TTC23L: variants seen among roughly 807,000 people sequenced by gnomAD.
TTC23L encodes tetratricopeptide repeat protein 23-like.
A neutral mutation model predicts 48.1 loss-of-function variants in TTC23L; 42 were observed. The observed-to-expected ratio is 0.87, with a 90% confidence interval of 0.68 to 1.13. The LOEUF is 1.13. TTC23L is among the 50% of genes most tolerant of loss of function. TTC23L has a pLI of 0.00. For synonymous variants in TTC23L, 159 were observed against 157.2 expected (o/e 1.01, Z -0.09); for missense variants, 391 against 421.0 (o/e 0.93, Z 0.62).
the TTC23L span, chr5:34,914,771 G>A: frequency 6.2e-7 from 1 of 1,614,188 alleles, no homozygotes; most frequent in Non-Finnish European, 8.5e-7. Context: ...TGCGAAACAC[G>A]TGGCATGTTC....
At chr5:34,915,601 C>T in the TTC23L span, 1 of 1,158,774 alleles carries the variant, frequency 8.6e-7, no homozygotes. Context: ...GCCGCGCCAC[C>T]GAGACCGGAA....
intron 8 of TTC23L, among the ~76,000 whole-genome samples, chr5:34,873,303 CTG>C (rs1188855488): frequency 1.3e-5 from 2 of 152,248 alleles, no homozygotes; most frequent in African/African-American, 2.4e-5. Context: ...GTCACACAAA[CTG>C]TATAAAATGG....
At chr5:34,918,320 C>T in the TTC23L span, 4 of 1,006,194 alleles carry the variant, frequency 4.0e-6, no homozygotes, top group South Asian at 5.5e-5. Flanking sequence ...AAGATCAGTT[C>T]AGTATAAGAT....
Position 34,862,304 on chromosome 5 carries a change from T to C in TTC23L, c.380-594T>C, listed in dbSNP as rs901041227. On this transcript the variant is annotated intron_variant, in intron 4 of 10. Transcript: ENST00000505624. ...CCAGTTAGTATCACCAGATTCATCT[T>C]AGATTGAAAAAAAAAATCCCCAGAT... is the stretch of plus-strand genomic sequence containing the variant. Among the ~76,000 whole-genome samples the C allele has an allele frequency of 2.6e-5, 4 of 152,164 alleles. No individual in the cohort carries two copies. The East Asian group carries it at 5.8e-4, about 22-fold the overall frequency.
chr5:34,841,703 G>A (rs535470748), intron 2 of TTC23L, among the ~76,000 whole-genome samples: 1 of 152,238 alleles, frequency 6.6e-6, no homozygotes, highest in South Asian at 2.1e-4. Flanking sequence ...TTTTTGTAGA[G>A]ATGCGTTCTC....
At chr5:34,850,413 C>T (rs1580425825) in intron 4 of TTC23L, 105 bp downstream of exon 4, 30 of 1,388,170 alleles carry the variant, frequency 2.2e-5, no homozygotes, top group Non-Finnish European at 2.8e-5. Context: ...CCCTTCTTGC[C>T]CCTAGCTCAC....
At chr5:34,918,472 G>A in the TTC23L span, 2 of 1,581,564 alleles carry the variant, frequency 1.3e-6, no homozygotes, top group South Asian at 1.1e-5. Context: ...TCATTCTAAA[G>A]CAGGTGCCTT....
At chr5:34,854,060 G>C (rs1473423611) in intron 4 of TTC23L, among the ~76,000 whole-genome samples, 1 of 152,204 alleles carries the variant, frequency 6.6e-6, no homozygotes, top group African/African-American at 2.4e-5. Context: ...AACTGCCTTT[G>C]AGTTTTACTT....
chr5:34,925,587 C>CT, the TTC23L span: 3 of 1,076,372 alleles, frequency 2.8e-6, no homozygotes, highest in Non-Finnish European at 3.9e-6. Flanking sequence ...TATCTTACGT[C>CT]TAATTAGTGT....
the TTC23L span, chr5:34,911,839 C>T: frequency 3.7e-6 from 6 of 1,610,628 alleles, no homozygotes; most frequent in Non-Finnish European, 4.2e-6. Context: ...TCATACTTGG[C>T]CTTAGCTTTA....
At chr5:34,864,774 T>A (rs1437280572) in intron 6 of TTC23L, among the ~76,000 whole-genome samples, 1 of 152,224 alleles carries the variant, frequency 6.6e-6, no homozygotes, top group East Asian at 1.9e-4. Context: ...TGATTATTAT[T>A]TTATTAAAGG....
intron 9 of TTC23L, among the ~76,000 whole-genome samples, chr5:34,895,588 T>A (rs778850100): frequency 6.6e-6 from 1 of 152,178 alleles, no homozygotes; most frequent in African/African-American, 2.4e-5. Context: ...AGAACCATCC[T>A]TTTCTCCTCA....
At chr5:34,873,823 T>G (rs12515572) in intron 8 of TTC23L, among the ~76,000 whole-genome samples, 2 of 152,060 alleles carry the variant, frequency 1.3e-5, no homozygotes, top group Non-Finnish European at 2.9e-5. Context: ...TTGGAATGCA[T>G]TTTTGTCTAC....
At chr5:34,912,353 ACT>A in the TTC23L span, among the ~76,000 whole-genome samples, 1 of 152,166 alleles carries the variant, frequency 6.6e-6, no homozygotes, top group South Asian at 2.1e-4. Context: ...GTAAATTTTA[ACT>A]CTGCAAACCA....
the TTC23L span, chr5:34,914,342 C>A: frequency 3.4e-6 from 1 of 295,990 alleles, no homozygotes; most frequent in Non-Finnish European, 6.5e-6. Flanking sequence ...ATATATAAAA[C>A]GGGAATAATA....
intron 4 of TTC23L, among the ~76,000 whole-genome samples, chr5:34,862,194 G>A (rs955150599): frequency 3.9e-5 from 6 of 152,124 alleles, no homozygotes; most frequent in African/African-American, 1.4e-4. Context: ...GTTCTGTCTA[G>A]CTGGGGTCTG....
downstream of TTC23L, among the ~76,000 whole-genome samples, chr5:34,903,149 TTTTAATG>T (rs1048494285): frequency 1.3e-5 from 2 of 152,198 alleles, no homozygotes; most frequent in African/African-American, 4.8e-5. Flanking sequence ...TTTGGATTGT[TTTTAATG>T]TTTAAAGTTT....
At chr5:34,919,956 T>C in the TTC23L span, 1 of 595,956 alleles carries the variant, frequency 1.7e-6, no homozygotes, top group Non-Finnish European at 3.0e-6. Flanking sequence ...ACTAAGTCAT[T>C]CAGTGACTTT....
At chr5:34,922,437 T>G in the TTC23L span, 1 of 919,910 alleles carries the variant, frequency 1.1e-6, no homozygotes, top group Non-Finnish European at 1.7e-6. Context: ...TTAAAGAAAA[T>G]TAAATGTATA....
Sources: allele counts gnomAD v4.1 joint callset (sites outside exome capture counted in the v4.1 genomes callset), GRCh38; gene constraint gnomAD v4.1.1; transcripts MANE v1.5; gene names NCBI Gene and HGNC (gene_info 2026-07-23, HGNC 2026-07-21).